The following PTER variants were observed in gnomAD, a reference collection of about 807,000 sequenced individuals.
PTER encodes N-acetyltaurine hydrolase.
In PTER, 38 loss-of-function variants were observed where a neutral mutation model predicts 29.6. The ratio of observed to expected loss-of-function variants is 1.28; its 90% CI spans 0.99 to 1.68. The LOEUF (loss-of-function observed/expected upper bound fraction) is 1.68. Ranked by LOEUF, PTER falls within the 40% of genes most tolerant of loss-of-function variation. The probability of loss-of-function intolerance (pLI) is 0.00; values close to 1 mark genes in which losing one functional copy is unlikely to be tolerated. For synonymous variants in PTER, 172 were observed against 154.5 expected (o/e 1.11, Z -0.84); for missense variants, 482 against 427.8 (o/e 1.13, Z -1.12).
intron 1 of PTER, among the ~76,000 whole-genome samples, chr10:16,445,274 T>C (rs1833977496): frequency 6.6e-6 from 1 of 152,088 alleles, no homozygotes; most frequent in Non-Finnish European, 1.5e-5. Flanking sequence ...AGGCTGAGCG[T>C]GGTGGCTCCT....
At position 16,469,904 on chromosome 10, in the gene PTER, T is replaced by G. The variant is rs915108319; in HGVS notation, c.-48-14433T>G. ...TGTTTTTTTTGTTTGTTTTTTTGTTTTTTTTTTTAATTTAAATAAGAGCAT... is the reference window on the plus strand; with the variant it reads ...TGTTTTTTTTGTTTGTTTTTTTGTTGTTTTTTTTAATTTAAATAAGAGCAT... On this transcript the variant is annotated intron_variant, in intron 1 of 4. Transcript: ENST00000535784. Among the ~76,000 whole-genome samples the G allele has an allele frequency of 6.7e-5, 7 of 104,340 alleles. No homozygotes were observed. In the South Asian group the frequency reaches 1.3e-3, roughly 19 times the overall value. 68.5% of individuals were successfully genotyped at this position (104,340 alleles called of 152,430 possible).
At chr10:16,489,240 G>T (rs1045718389) in intron 3 of PTER, among the ~76,000 whole-genome samples, 1 of 152,060 alleles carries the variant, frequency 6.6e-6, no homozygotes, top group Non-Finnish European at 1.5e-5. Context: ...GAACTACATG[G>T]TTTTTCTGTT....
chr10:16,481,012 A>T (rs2133442055), intron 1 of PTER, among the ~76,000 whole-genome samples: 1 of 152,184 alleles, frequency 6.6e-6, no homozygotes, highest in East Asian at 1.9e-4. Flanking sequence ...TTGTCTTTAA[A>T]CCCTCTGTGC....
At chr10:16,459,940 T>G (rs1588593431) in intron 1 of PTER, among the ~76,000 whole-genome samples, 1 of 151,484 alleles carries the variant, frequency 6.6e-6, no homozygotes, top group South Asian at 2.1e-4. Context: ...AGGGATGGGG[T>G]TTTTTCCACG....
intron 1 of PTER, among the ~76,000 whole-genome samples, chr10:16,481,675 T>A (rs1012057649): frequency 6.6e-6 from 1 of 152,168 alleles, no homozygotes; most frequent in African/African-American, 2.4e-5. Context: ...GACTCACAGC[T>A]TGTGAGCTTG....
chr10:16,468,738 C>A (rs1331154712), intron 1 of PTER, among the ~76,000 whole-genome samples: 2 of 152,038 alleles, frequency 1.3e-5, no homozygotes, highest in African/African-American at 4.8e-5. Flanking sequence ...ACTTTGGGGG[C>A]CAAGGTGGGA....
chr10:16,447,841 C>T (rs940362663), intron 1 of PTER, among the ~76,000 whole-genome samples: 1 of 152,178 alleles, frequency 6.6e-6, no homozygotes, highest in Admixed American at 6.5e-5. Flanking sequence ...ACCATTGGTG[C>T]AGGCTGGGGA....
At chr10:16,486,671 T>C in intron 3 of PTER, 54 bp downstream of exon 3, 1 of 1,535,800 alleles carries the variant, frequency 6.5e-7, no homozygotes, top group Non-Finnish European at 8.8e-7. Flanking sequence ...TAATGCATGA[T>C]CAAATTAAGA....
In PTER at chr10:16,512,938, C is replaced by G. The variant is rs555567909; in HGVS notation, c.*1682C>G. On this transcript the variant is annotated 3_prime_UTR_variant, in exon 5 of 5. Coordinates refer to ENST00000535784, the MANE Select transcript of PTER (RefSeq NM_001261836.2). ...GATGGCTTTTGGCAGTGTGTTCTAA[C>G]CAGAAAGAAAGGATTTGTATTACTC... The G allele has an allele frequency of 1.2e-4, 19 of 152,502 alleles. No individual in the cohort carries two copies. Among genetic ancestry groups the G allele is most frequent in the African/African-American group, 4.6e-4 (19 of 41,504 alleles). The allele number at this position is 152,502 out of a possible 1,614,324, so 9.4% of individuals were successfully genotyped here.
At chr10:16,468,696 TAGGTGCAATGGCTC>T (rs1219588523) in intron 1 of PTER, among the ~76,000 whole-genome samples, 1 of 152,094 alleles carries the variant, frequency 6.6e-6, no homozygotes, top group Non-Finnish European at 1.5e-5. Context: ...AGAAGGTAGC[TAGGTGCAATGGCTC>T]ATGCCTATAA....
At chr10:16,510,990 C>G in intron 4 of PTER, 56 bp from the exon 5 acceptor site, 2 of 1,494,040 alleles carry the variant, frequency 1.3e-6, no homozygotes, top group Non-Finnish European at 1.8e-6. Context: ...TTGAAAGCAT[C>G]CTGAAAAGCG....
intron 1 of PTER, among the ~76,000 whole-genome samples, chr10:16,464,667 C>G (rs1048630876): frequency 3.9e-5 from 6 of 152,194 alleles, no homozygotes; most frequent in Non-Finnish European, 7.3e-5. Flanking sequence ...GAAACATGCT[C>G]CTCATTGCTC....
Position 16,446,776 on chromosome 10 carries a change from G to A in PTER, c.-49+9729G>A, listed in dbSNP as rs538131554. On this transcript the variant is annotated intron_variant, in intron 1 of 4. Coordinates refer to ENST00000535784, the MANE Select transcript of PTER (RefSeq NM_001261836.2). ...GATTGTAAGACATTTTTGTTTGTTTGTTTGTTTGTTTTGTTTTGTTTTGTT... is the reference window on the plus strand; with the variant it reads ...GATTGTAAGACATTTTTGTTTGTTTATTTGTTTGTTTTGTTTTGTTTTGTT... 2.6e-5 allele frequency among the ~76,000 whole-genome samples: 4 copies of A among 151,702 alleles called. No homozygotes were observed. In the South Asian group the frequency reaches 8.4e-4, roughly 32 times the overall value.
intron 1 of PTER, among the ~76,000 whole-genome samples, chr10:16,459,189 A>G (rs889940327): frequency 6.6e-6 from 1 of 152,224 alleles, no homozygotes; most frequent in Non-Finnish European, 1.5e-5. Flanking sequence ...CACCCCTTCC[A>G]GTCGCAAGAT....
intron 3 of PTER, among the ~76,000 whole-genome samples, chr10:16,496,963 C>A (rs971399576): frequency 1.5e-5 from 2 of 137,628 alleles, no homozygotes; most frequent in African/African-American, 5.5e-5. Context: ...GAGATGAAAT[C>A]TCACACTGTC....
At chr10:16,441,699 G>A (rs146847355) in intron 1 of PTER, among the ~76,000 whole-genome samples, 7 of 152,216 alleles carry the variant, frequency 4.6e-5, no homozygotes, top group African/African-American at 1.4e-4. Context: ...GCACTAGTGT[G>A]ATGAATTATG....
At chr10:16,440,387 A>G (rs1044696014) in intron 1 of PTER, among the ~76,000 whole-genome samples, 4 of 152,192 alleles carry the variant, frequency 2.6e-5, no homozygotes, top group African/African-American at 9.6e-5. Context: ...CTTCTCATTC[A>G]TAGACATCAT....
chr10:16,486,879 C>A (rs1025237649), intron 3 of PTER: 1 of 395,788 alleles, frequency 2.5e-6, no homozygotes, highest in Non-Finnish European at 4.5e-6. Flanking sequence ...TTAATTTACT[C>A]AATCCTTTAT....
downstream of PTER, chr10:16,514,422 A>G: frequency 1.2e-6 from 1 of 865,034 alleles, no homozygotes; most frequent in Non-Finnish European, 1.9e-6. Flanking sequence ...CATATACACA[A>G]CTGAGGTGCC....
Sources: allele counts gnomAD v4.1 joint callset (sites outside exome capture counted in the v4.1 genomes callset), GRCh38; gene constraint gnomAD v4.1.1; transcripts MANE v1.5; gene names NCBI Gene and HGNC (gene_info 2026-07-23, HGNC 2026-07-21).